Variants in MACF1 observed in about 807,000 individuals in gnomAD.
MACF1 encodes microtubule-actin cross-linking factor 1.
In MACF1, 193 loss-of-function variants were observed where a neutral mutation model predicts 854.8. The ratio of observed to expected loss-of-function variants is 0.23; its 90% CI spans 0.20 to 0.25. MACF1 has a LOEUF of 0.25. MACF1 is among the 10% of genes least tolerant of loss of function. MACF1 has a pLI of 1.00. For missense variants in MACF1, 7,722 were observed against 8,929.1 expected (o/e 0.86, Z 5.45); for synonymous variants, 3,185 against 3,226.7 (o/e 0.99, Z 0.44).
intron 1 of MACF1, among the ~76,000 whole-genome samples, chr1:39,229,143 TG>T (rs1214710071): frequency 6.6e-6 from 1 of 152,240 alleles, no homozygotes; most frequent in Non-Finnish European, 1.5e-5. Context: ...GACCTTTCAA[TG>T]TGAACTTATG....
chr1:39,419,725 C>T (rs1021534653), intron 58 of MACF1, among the ~76,000 whole-genome samples: 3 of 151,854 alleles, frequency 2.0e-5, no homozygotes, highest in East Asian at 1.9e-4. Flanking sequence ...CTCCACCTCC[C>T]GGGTTCAAGC....
chr1:39,359,986 C>CAAAAAAAAA (rs1178910336), intron 47 of MACF1, among the ~76,000 whole-genome samples: 1 of 11,746 alleles, frequency 8.5e-5, no homozygotes, highest in Non-Finnish European at 1.4e-4. Flanking sequence ...GACTCCGTCT[C>CAAAAAAAAA]AAAAAAAAAA....
intron 2 of MACF1, among the ~76,000 whole-genome samples, chr1:39,085,145 A>T (rs1641640302): frequency 6.6e-6 from 1 of 152,212 alleles, no homozygotes; most frequent in Non-Finnish European, 1.5e-5. Context: ...CCTGCCACTG[A>T]CCAACTGTGT....
intron 2 of MACF1, among the ~76,000 whole-genome samples, chr1:39,245,138 A>C (rs1487391734): frequency 6.6e-6 from 1 of 152,258 alleles, no homozygotes; most frequent in Admixed American, 6.5e-5. Flanking sequence ...TATAACACAT[A>C]ACCAGAATTT....
At position 39,314,567 on chromosome 1, in the gene MACF1, TCTCACACACACACACA is replaced by T. The variant is rs1386489825; in HGVS notation, c.3271-944_3271-929del. On this transcript the variant is annotated intron_variant, in intron 26 of 100. Transcript: ENST00000564288. ...TTCTCTTTCTCTCTCTCTCTCTCTC[TCTCACACACACACACA>T]CACACACACACACACACACACACAC... is the stretch of plus-strand genomic sequence containing the variant. 3.6e-4 allele frequency among the ~76,000 whole-genome samples: 42 copies of T among 115,264 alleles called. 1 individual carries two copies. Among genetic ancestry groups the T allele is most frequent in the South Asian group, 6.7e-4 (2 of 2,974 alleles). 75.6% of individuals were successfully genotyped at this position (115,264 alleles called of 152,430 possible).
chr1:39,154,213 A>C (rs564152150), intron 2 of MACF1: 1 of 152,358 alleles, frequency 6.6e-6, no homozygotes, highest in Admixed American at 6.5e-5. Context: ...CATTTCTACT[A>C]TCCAAGTACT....
intron 1 of MACF1, among the ~76,000 whole-genome samples, chr1:39,215,802 C>T (rs979003019): frequency 4.4e-5 from 6 of 136,848 alleles, no homozygotes; most frequent in South Asian, 2.7e-4. Context: ...AGCAGACTGG[C>T]GGGAGGATGG....
At chr1:39,266,181 A>G (rs1280666311) in intron 6 of MACF1, among the ~76,000 whole-genome samples, 1 of 152,202 alleles carries the variant, frequency 6.6e-6, no homozygotes, top group African/African-American at 2.4e-5. Context: ...CATATTAAGC[A>G]GCTATTTCTC....
intron 56 of MACF1, 104 bp downstream of exon 56, chr1:39,382,256 C>A: frequency 1.9e-6 from 2 of 1,063,672 alleles, no homozygotes; most frequent in South Asian, 1.5e-5. Flanking sequence ...CATTTAATCT[C>A]TCAGAGTCTC....
intron 58 of MACF1, among the ~76,000 whole-genome samples, chr1:39,402,256 A>G (rs1312197141): frequency 2.0e-5 from 3 of 152,164 alleles, no homozygotes; most frequent in African/African-American, 7.2e-5. Flanking sequence ...TCATGGAAAT[A>G]ACCAAGCAAT....
intron 1 of MACF1, chr1:39,215,489 C>G (rs1323206616): frequency 6.6e-6 from 1 of 152,414 alleles, no homozygotes; most frequent in East Asian, 1.9e-4. Context: ...CCAAATAGCC[C>G]TTGCTCTCAT....
In MACF1 at chr1:39,368,150, G is replaced by A. The variant is rs1005092629; in HGVS notation, c.12774G>A (p.Glu4258=). 3 of 1,613,660 alleles carry A rather than the reference G, an allele frequency of 1.9e-6. No homozygotes were observed. In the Middle Eastern group the frequency reaches 4.9e-4, roughly 266 times the overall value. ...DITHFFQQIQ[E]LNLEMEDQQE... ...ACATTTCCTTGTTTGCTTGACAGGA[G>A]CTCAATTTGGAAATGGAAGACCAAC... Residue 4258 remains glutamate, a splice_region_variant and synonymous_variant, in exon 50 of 101, where the codon GAG becomes GAA. Transcript: ENST00000564288.
At chr1:39,368,609 C>A (rs1476903937) in intron 50 of MACF1, among the ~76,000 whole-genome samples, 1 of 152,098 alleles carries the variant, frequency 6.6e-6, no homozygotes, top group Non-Finnish European at 1.5e-5. Context: ...TCAAGCAATT[C>A]TTCTACCTCA....
At chr1:39,152,658 T>A (rs1046255010) in intron 2 of MACF1, among the ~76,000 whole-genome samples, 3 of 152,228 alleles carry the variant, frequency 2.0e-5, no homozygotes, top group African/African-American at 7.2e-5. Flanking sequence ...GGTGCCACCA[T>A]ACATTCTATC....
At chr1:39,085,672 TA>T (rs1641655691) in intron 2 of MACF1, among the ~76,000 whole-genome samples, 1 of 152,200 alleles carries the variant, frequency 6.6e-6, no homozygotes, top group African/African-American at 2.4e-5. Context: ...AAAAATACAA[TA>T]AAAAATAAAA....
At chr1:39,296,041 G>A (rs1645893354) in intron 20 of MACF1, among the ~76,000 whole-genome samples, 159 bp downstream of exon 20, 1 of 152,194 alleles carries the variant, frequency 6.6e-6, no homozygotes, top group African/African-American at 2.4e-5. Context: ...GATTCAGTAG[G>A]TGAGCAGTTT....
intron 41 of MACF1, among the ~76,000 whole-genome samples, chr1:39,348,299 T>C (rs998813791): frequency 5.3e-5 from 8 of 152,190 alleles, no homozygotes; most frequent in African/African-American, 1.9e-4. Context: ...GTAAAATTCA[T>C]CTGAGCCACA....
chr1:39,295,973 T>C, intron 20 of MACF1, 91 bp downstream of exon 20: 2 of 1,104,340 alleles, frequency 1.8e-6, no homozygotes, highest in Non-Finnish European at 2.6e-6. Flanking sequence ...GCTTTTGTTG[T>C]ATAAACCACC....
chr1:39,114,031 G>A (rs1426240479), intron 2 of MACF1, among the ~76,000 whole-genome samples: 5 of 129,360 alleles, frequency 3.9e-5, no homozygotes, highest in Non-Finnish European at 7.0e-5. Flanking sequence ...GTGAGACTCC[G>A]TCTTAAAAAA....
Sources: allele counts gnomAD v4.1 joint callset (sites outside exome capture counted in the v4.1 genomes callset), GRCh38; gene constraint gnomAD v4.1.1; transcripts MANE v1.5; gene names NCBI Gene and HGNC (gene_info 2026-07-23, HGNC 2026-07-21).